Variants in NIPBL observed in about 807,000 individuals in gnomAD.
NIPBL encodes NIPBL cohesin loading factor.
In NIPBL, 19 loss-of-function variants were observed where a neutral mutation model predicts 321.8. That is an observed-to-expected ratio of 0.06 (90% CI 0.04 to 0.09). The LOEUF is 0.09. NIPBL is among the 10% of genes least tolerant of loss of function. NIPBL has a pLI of 1.00. For missense variants in NIPBL, 2,210 were observed against 3,327.0 expected (o/e 0.66, Z 8.26); for synonymous variants, 1,106 against 1,114.1 (o/e 0.99, Z 0.14).
At chr5:36,980,032 T>TA (rs1172993557) in intron 9 of NIPBL, among the ~76,000 whole-genome samples, 2 of 151,692 alleles carry the variant, frequency 1.3e-5, no homozygotes, top group East Asian at 1.9e-4. Flanking sequence ...ACCTTTTTTT[T>TA]ATGTATCATG....
At chr5:36,942,665 T>G (rs1263836911) in intron 1 of NIPBL, among the ~76,000 whole-genome samples, 2 of 150,558 alleles carry the variant, frequency 1.3e-5, no homozygotes, top group African/African-American at 4.9e-5. Context: ...CACATGAACC[T>G]TGGAGGCAGA....
At chr5:37,006,640 G>C in intron 17 of NIPBL, 52 bp downstream of exon 17, 1 of 1,167,170 alleles carries the variant, frequency 8.6e-7, no homozygotes, top group Non-Finnish European at 1.2e-6. Flanking sequence ...TGTTAGATGA[G>C]TCAAAATAGG....
At chr5:36,961,794 A>G (rs1741656764) in intron 5 of NIPBL, among the ~76,000 whole-genome samples, 1 of 152,222 alleles carries the variant, frequency 6.6e-6, no homozygotes, top group South Asian at 2.1e-4. Context: ...TTAGTAATGT[A>G]ATTTCATACA....
At chr5:36,968,783 A>G (rs1298063457) in intron 6 of NIPBL, among the ~76,000 whole-genome samples, 1 of 152,224 alleles carries the variant, frequency 6.6e-6, no homozygotes, top group African/African-American at 2.4e-5. Flanking sequence ...GGAACAGGCC[A>G]TGAATGCCTA....
intron 30 of NIPBL, among the ~76,000 whole-genome samples, chr5:37,025,281 T>TTG (rs1750130539): frequency 2.6e-5 from 4 of 152,146 alleles, no homozygotes; most frequent in Non-Finnish European, 5.9e-5. Flanking sequence ...TTGATTGATT[T>TTG]ATTGATTGTT....
intron 1 of NIPBL, among the ~76,000 whole-genome samples, chr5:36,911,936 GT>G (rs1748080779): frequency 6.6e-6 from 1 of 152,174 alleles, no homozygotes; most frequent in African/African-American, 2.4e-5. Context: ...AATGCAAAGA[GT>G]TTGACCTTTT....
intron 1 of NIPBL, among the ~76,000 whole-genome samples, chr5:36,935,828 C>T (rs1386394280): frequency 6.6e-6 from 1 of 151,954 alleles, no homozygotes; most frequent in Admixed American, 6.6e-5. Flanking sequence ...GGTAGTGGCT[C>T]CAGGGATTCC....
At chr5:36,986,648 A>G (rs1744840929) in intron 10 of NIPBL, among the ~76,000 whole-genome samples, 1 of 152,190 alleles carries the variant, frequency 6.6e-6, no homozygotes, top group Non-Finnish European at 1.5e-5. Flanking sequence ...AAAACTCTCT[A>G]TTTAAAAATG....
intron 21 of NIPBL, among the ~76,000 whole-genome samples, chr5:37,011,247 A>G (rs1433840202): frequency 2.0e-5 from 3 of 152,188 alleles, no homozygotes; most frequent in South Asian, 4.1e-4. Context: ...GGGAATAATA[A>G]TAAATATGTA....
chr5:36,939,680 A>G (rs1001084817), intron 1 of NIPBL, among the ~76,000 whole-genome samples: 1 of 152,222 alleles, frequency 6.6e-6, no homozygotes, highest in Non-Finnish European at 1.5e-5. Flanking sequence ...GAGTCTGGAA[A>G]GTTCAAGATT....
rs1745115275 is a variant in NIPBL at position 36,877,059 on chromosome 5, T to A, written c.-199T>A. The A allele has an allele frequency of 5.9e-6, 2 of 337,532 alleles. No individual in the cohort carries two copies. The highest frequency in any genetic ancestry group is 1.1e-5 in the Non-Finnish European group (2 of 188,246). The allele number at this position is 337,532 out of a possible 1,614,324, so 20.9% of individuals were successfully genotyped here. Reference sequence around the variant, plus strand: ...CGGCTGGTCTCCCCCCGGCTCTACATGTTCCCCGCACTGAGGAGACGGAAG... The same window carrying A: ...CGGCTGGTCTCCCCCCGGCTCTACAAGTTCCCCGCACTGAGGAGACGGAAG... On this transcript the variant is annotated 5_prime_UTR_variant, in exon 1 of 47. The change abolishes an upstream ATG in the 5' untranslated region. Coordinates refer to ENST00000282516, the MANE Select transcript of NIPBL (RefSeq NM_133433.4).
intron 1 of NIPBL, among the ~76,000 whole-genome samples, chr5:36,910,985 T>C (rs952012332): frequency 1.3e-5 from 2 of 152,240 alleles, no homozygotes; most frequent in Non-Finnish European, 2.9e-5. Flanking sequence ...TTTTATTCCA[T>C]GTCTTTTATC....
rs910568859 is a variant in NIPBL at position 37,017,120 on chromosome 5, A to G, written c.4878A>G (p.Thr1626=). Reference sequence around the variant, plus strand: ...CACGGCTAAGAAAAGATGCTGTTACAAGCAAAATGGATCAAGGATCTATAG... The same window carrying G: ...CACGGCTAAGAAAAGATGCTGTTACGAGCAAAATGGATCAAGGATCTATAG... ...VAARLRKDAV[T]SKMDQGSIER... Residue 1626 remains threonine (T), a synonymous_variant, in exon 24 of 47, where the codon ACA becomes ACG. Coordinates refer to ENST00000282516, the MANE Select transcript of NIPBL (RefSeq NM_133433.4). 2 of 1,612,760 alleles carry G rather than the reference A, an allele frequency of 1.2e-6. No individual in the cohort carries two copies. Among genetic ancestry groups the G allele is most frequent in the Non-Finnish European group, 1.7e-6 (2 of 1,179,106 alleles).
At chr5:37,019,290 C>A in intron 24 of NIPBL, 21 bp from the exon 25 acceptor site, 1 of 1,502,764 alleles carries the variant, frequency 6.7e-7, no homozygotes, top group Non-Finnish European at 9.3e-7. Flanking sequence ...CTTTTTTGTT[C>A]TTATTTGGTT....
At chr5:37,027,446 T>A in intron 32 of NIPBL, 34 bp downstream of exon 32, 1 of 1,535,548 alleles carries the variant, frequency 6.5e-7, no homozygotes, top group Non-Finnish European at 9.0e-7. Context: ...TAACCTAAAA[T>A]TTAATAGGTT....
chr5:36,879,674 A>C (rs560599926), intron 1 of NIPBL, among the ~76,000 whole-genome samples: 1 of 152,204 alleles, frequency 6.6e-6, no homozygotes, highest in African/African-American at 2.4e-5. Flanking sequence ...GTGAAAGGAG[A>C]AATCAGAAGT....
chr5:36,932,294 C>A (rs928326276), intron 1 of NIPBL, among the ~76,000 whole-genome samples: 2 of 152,134 alleles, frequency 1.3e-5, no homozygotes, highest in Non-Finnish European at 2.9e-5. Context: ...TTTTTTACAT[C>A]ATTGTTAATT....
chr5:36,903,129 T>C (rs1216062952), intron 1 of NIPBL, among the ~76,000 whole-genome samples: 4 of 152,246 alleles, frequency 2.6e-5, no homozygotes, highest in Non-Finnish European at 5.9e-5. Flanking sequence ...ATCCTGAAAC[T>C]GTGCTGACGT....
At chr5:37,025,281 T>G (rs79699892) in intron 30 of NIPBL, among the ~76,000 whole-genome samples, 7,764 of 152,252 alleles carry the variant, frequency 0.051, 269 homozygotes, top group Middle Eastern at 0.082. Context: ...TTGATTGATT[T>G]ATTGATTGTT....
Sources: gnomAD v4.1 joint callset for allele counts (sites outside exome capture counted in the v4.1 genomes callset) on GRCh38, gnomAD v4.1.1 for gene constraint, MANE v1.5 for transcripts, NCBI Gene and HGNC (gene_info 2026-07-23, HGNC 2026-07-21) for gene names.